The following ARHGAP10 variants were observed in gnomAD, a reference collection of about 807,000 sequenced individuals.
ARHGAP10 encodes Rho GTPase activating protein 10, also known as rho GTPase-activating protein 10.
A neutral mutation model predicts 108.6 loss-of-function variants in ARHGAP10; 87 were observed. The observed-to-expected ratio is 0.80, with a 90% CI of 0.67 to 0.96. The LOEUF is 0.96. ARHGAP10 is among the 40% of genes least tolerant of loss of function. ARHGAP10 has a pLI of 0.00. For synonymous variants in ARHGAP10, 347 were observed against 341.1 expected, an observed-to-expected ratio of 1.02 and a Z score of -0.19; for missense variants, 939 against 954.5, an observed-to-expected ratio of 0.98 and a Z score of 0.21.
chr4:147,770,865 C>A (rs1161880932), intron 1 of ARHGAP10, among the ~76,000 whole-genome samples: 1 of 152,144 alleles, frequency 6.6e-6, no homozygotes, highest in Non-Finnish European at 1.5e-5. Flanking sequence ...TCTAGTAATT[C>A]TGGAGGCTAG....
intron 5 of ARHGAP10, chr4:147,864,078 T>C (rs1734440548): frequency 6.6e-6 from 1 of 152,232 alleles, no homozygotes; most frequent in Non-Finnish European, 1.5e-5. Flanking sequence ...AAGAGTAAAA[T>C]TAGCTAAGTT....
intron 19 of ARHGAP10, among the ~76,000 whole-genome samples, chr4:148,027,226 G>A (rs1727911361): frequency 6.6e-6 from 1 of 152,212 alleles, no homozygotes; most frequent in Non-Finnish European, 1.5e-5. Flanking sequence ...ATCTTCTGGT[G>A]TAATTAAGTA....
chr4:148,008,468 C>T (rs564438784), intron 18 of ARHGAP10, among the ~76,000 whole-genome samples: 34 of 151,202 alleles, frequency 2.2e-4, no homozygotes, highest in Non-Finnish European at 4.6e-4. Context: ...TGGTGATCCC[C>T]ACTGGGGGTG....
intron 1 of ARHGAP10, among the ~76,000 whole-genome samples, chr4:147,787,890 G>T (rs1438144999): frequency 6.6e-6 from 1 of 152,198 alleles, no homozygotes; most frequent in Non-Finnish European, 1.5e-5. Context: ...GGGTTAGAGG[G>T]TCTGTGACTT....
chr4:147,749,976 G>T (rs1393132072), intron 1 of ARHGAP10, among the ~76,000 whole-genome samples: 2 of 152,154 alleles, frequency 1.3e-5, no homozygotes, highest in Admixed American at 6.5e-5. Context: ...GCAATAAGAT[G>T]GTTGAGTGCT....
chr4:147,993,838 T>C lies in ARHGAP10; in HGVS notation c.1716+26999T>C, dbSNP rs527613209. On this transcript the variant is annotated intron_variant, in intron 18 of 22. Coordinates refer to ENST00000336498, the MANE Select transcript of ARHGAP10 (RefSeq NM_024605.4). The stretch of plus-strand genomic sequence containing the variant: ...AAACTCTTTTTCCTAAGCATTCTAG[T>C]CTGCTTGGGGGAGAGGGTAGGCATT... Among the ~76,000 whole-genome samples, 3 of 152,342 alleles carry C rather than the reference T, an allele frequency of 2.0e-5. No homozygotes were observed. In the East Asian group the frequency reaches 5.8e-4, roughly 29 times the overall value.
intron 1 of ARHGAP10, among the ~76,000 whole-genome samples, chr4:147,796,610 C>G (rs536602538): frequency 6.6e-6 from 1 of 152,236 alleles, no homozygotes; most frequent in South Asian, 2.1e-4. Flanking sequence ...ACTGCAAGCT[C>G]CGCCTCCCAG....
Position 147,875,198 on chromosome 4 carries a change from TTA to T in ARHGAP10, c.832+50_832+51del, listed in dbSNP as rs1283304486. On this transcript the variant is annotated intron_variant, in intron 8 of 22. Coordinates refer to ENST00000336498, the MANE Select transcript of ARHGAP10 (RefSeq NM_024605.4). Reference sequence around the variant, plus strand: ...CTGCGTGGCTGCTTAAAAATGCAAATTATTGAAAACTCTGCTATTCTTGCCAT... The same window carrying T: ...CTGCGTGGCTGCTTAAAAATGCAAATTTGAAAACTCTGCTATTCTTGCCAT... The T allele has an allele frequency of 1.1e-5, 17 of 1,505,038 alleles. No homozygotes were observed. The South Asian group carries it at 2.4e-4, about 21-fold the overall frequency. The allele number at this position is 1,505,038 out of a possible 1,614,324, so 93.2% of individuals were successfully genotyped here.
At chr4:147,903,912 G>A (rs1324238055) in intron 10 of ARHGAP10, among the ~76,000 whole-genome samples, 1 of 152,192 alleles carries the variant, frequency 6.6e-6, no homozygotes, top group Non-Finnish European at 1.5e-5. Context: ...TAATTTGGTA[G>A]TTGTGAATAA....
intron 19 of ARHGAP10, among the ~76,000 whole-genome samples, chr4:148,029,004 T>C (rs1236988147): frequency 6.6e-6 from 1 of 152,230 alleles, no homozygotes; most frequent in African/African-American, 2.4e-5. Context: ...GAAGGAAACA[T>C]GCCATTTTGT....
chr4:147,965,441 C>T (rs1034694995), intron 17 of ARHGAP10, among the ~76,000 whole-genome samples: 1 of 152,198 alleles, frequency 6.6e-6, no homozygotes, highest in African/African-American at 2.4e-5. Flanking sequence ...TGGTTTCACA[C>T]CTACCTACCT....
intron 18 of ARHGAP10, among the ~76,000 whole-genome samples, chr4:148,018,483 A>G (rs199718309): frequency 1.3e-5 from 2 of 150,920 alleles, no homozygotes; most frequent in African/African-American, 2.4e-5. Flanking sequence ...CAGTTTTACT[A>G]TTTCCTCTTC....
At chr4:148,048,241 G>T (rs1360527726) in intron 20 of ARHGAP10, among the ~76,000 whole-genome samples, 1 of 152,206 alleles carries the variant, frequency 6.6e-6, no homozygotes, top group African/African-American at 2.4e-5. Flanking sequence ...ACTGGAAAGT[G>T]TTCCTCAGAT....
chr4:147,785,083 T>TAAAAA (rs368685839), intron 1 of ARHGAP10, among the ~76,000 whole-genome samples: 110 of 118,750 alleles, frequency 9.3e-4, no homozygotes, highest in East Asian at 2.8e-3. Flanking sequence ...GACTATTTTC[T>TAAAAA]AAAAAAAAAA....
At chr4:147,992,666 A>G (rs1422504637) in intron 18 of ARHGAP10, among the ~76,000 whole-genome samples, 1 of 152,118 alleles carries the variant, frequency 6.6e-6, no homozygotes, top group Non-Finnish European at 1.5e-5. Context: ...TCGGCCTCCC[A>G]GAGTGCTGGG....
intron 1 of ARHGAP10, among the ~76,000 whole-genome samples, chr4:147,776,115 T>C (rs11730036): frequency 6.6e-6 from 1 of 151,840 alleles, no homozygotes; most frequent in African/African-American, 2.4e-5. Flanking sequence ...TATGGCCTCC[T>C]CGTAATCATT....
Position 147,908,373 on chromosome 4 carries a change from C to G in ARHGAP10, c.1117-1359C>G, listed in dbSNP as rs186931026. On this transcript the variant is annotated intron_variant, in intron 11 of 22. Transcript: ENST00000336498. Reference sequence around the variant, plus strand: ...TACTTTGGAAAGTCAGTTTGCGTAGCGAAAAGACTAAGTCATTGAAAAATG... The same window carrying G: ...TACTTTGGAAAGTCAGTTTGCGTAGGGAAAAGACTAAGTCATTGAAAAATG... Among the ~76,000 whole-genome samples the G allele has an allele frequency of 2.3e-3, 356 of 152,180 alleles. 1 individual carries two copies. The highest frequency in any genetic ancestry group is 3.5e-3 in the Non-Finnish European group (239 of 68,016).
chr4:147,743,939 C>T (rs935921775), intron 1 of ARHGAP10, among the ~76,000 whole-genome samples: 2 of 152,174 alleles, frequency 1.3e-5, no homozygotes, highest in Non-Finnish European at 1.5e-5. Flanking sequence ...AAAATATATT[C>T]AGTCATCACT....
intron 1 of ARHGAP10, among the ~76,000 whole-genome samples, chr4:147,778,963 A>G (rs1349847471): frequency 6.6e-6 from 1 of 152,206 alleles, no homozygotes; most frequent in East Asian, 1.9e-4. Flanking sequence ...GAACTAAGGT[A>G]CTGAAAAGGA....
Sources: gnomAD v4.1 joint callset for allele counts (sites outside exome capture counted in the v4.1 genomes callset) on GRCh38, gnomAD v4.1.1 for gene constraint, MANE v1.5 for transcripts, NCBI Gene and HGNC (gene_info 2026-07-23, HGNC 2026-07-21) for gene names.